Variants in KIFC1 observed in about 807,000 individuals in gnomAD.
KIFC1 encodes kinesin-like protein KIFC1.
KIFC1 carries 37 observed loss-of-function variants against 66.6 expected under a neutral mutation model. The observed-to-expected ratio is 0.56, with a 90% CI of 0.43 to 0.73. The LOEUF is 0.73. KIFC1 is among the 30% of genes least tolerant of loss of function. The probability of loss-of-function intolerance (pLI) is 0.00; values close to 1 mark genes in which losing one functional copy is unlikely to be tolerated. For synonymous variants in KIFC1, 325 were observed against 343.5 expected (o/e 0.95, Z 0.60); for missense variants, 721 against 859.8 (o/e 0.84, Z 2.02).
rs1254966909 is a variant in KIFC1, at chr6:33,401,833, C to CT, written c.251-1480dup. 1.3e-5 allele frequency among the ~76,000 whole-genome samples: 2 copies of CT among 152,140 alleles called. No individual in the cohort carries two copies. Among genetic ancestry groups the CT allele is most frequent in the Non-Finnish European group, 2.9e-5 (2 of 68,026 alleles). On this transcript the variant is annotated intron_variant, in intron 3 of 10. Coordinates refer to ENST00000428849, the MANE Select transcript of KIFC1 (RefSeq NM_002263.4). The surrounding 1 kb of genome is among the most constrained non-coding windows in gnomAD (Gnocchi z 4.5). Reference sequence around the variant, plus strand: ...TCTCCTGCCTCAGCCTCCGGAGTAGCTGGGACTACAGGTGCCCGCCACCAC... The same window carrying CT: ...TCTCCTGCCTCAGCCTCCGGAGTAGCTTGGGACTACAGGTGCCCGCCACCAC...
Position 33,405,684 on chromosome 6 carries a change from C to A in KIFC1, c.1536+53C>A, listed in dbSNP as rs1775612728. The A allele has an allele frequency of 7.0e-7, 1 of 1,424,522 alleles. No individual in the cohort carries two copies. Among genetic ancestry groups the A allele is most frequent in the Non-Finnish European group, 9.2e-7 (1 of 1,082,474 alleles). 88.2% of individuals were successfully genotyped at this position (1,424,522 alleles called of 1,614,324 possible). On this transcript the variant is annotated intron_variant, in intron 7 of 10. Coordinates refer to ENST00000428849, the MANE Select transcript of KIFC1 (RefSeq NM_002263.4). This position sits in a 1 kb window ranked among gnomAD's most constrained non-coding sequence, Gnocchi z 5.4. ...GAAATGGGGAGGAGTGGGCAGGGTG[C>A]CACGAGATGGAGGTAGAGGGAGAAA...
rs946692322 is a variant in KIFC1, at chr6:33,405,751, C to T, written c.1536+120C>T. 19 of 1,122,728 alleles carry T rather than the reference C, an allele frequency of 1.7e-5. No homozygotes were observed. In the African/African-American group the frequency reaches 3.0e-4, roughly 18 times the overall value. The allele number at this position is 1,122,728 out of a possible 1,614,324, so 69.5% of individuals were successfully genotyped here. ...GAAGGATGAAGTGCAAGTTATCAGG[C>T]TGGGTTACCACATCCGGTTTTGGCC... On this transcript the variant is annotated intron_variant, in intron 7 of 10. Coordinates refer to ENST00000428849, the MANE Select transcript of KIFC1 (RefSeq NM_002263.4). This position sits in a 1 kb window ranked among gnomAD's most constrained non-coding sequence, Gnocchi z 5.4.
rs1775297367 is a variant in KIFC1 at position 33,400,056 on chromosome 6, T to G, written c.250+1669T>G. The stretch of plus-strand genomic sequence containing the variant: ...TCCTTTATTGAAATATTTTCCTTTG[T>G]GCTTAACTAGCTGGGCATTCCACAG... On this transcript the variant is annotated intron_variant, in intron 3 of 10. Coordinates refer to ENST00000428849, the MANE Select transcript of KIFC1 (RefSeq NM_002263.4). The surrounding 1 kb of genome is among the most constrained non-coding windows in gnomAD (Gnocchi z 4.3). 4.2e-6 allele frequency: 3 copies of G among 712,850 alleles called. No individual in the cohort carries two copies. Among genetic ancestry groups the G allele is most frequent in the Non-Finnish European group, 7.6e-6 (3 of 394,876 alleles). 44.2% of individuals were successfully genotyped at this position (712,850 alleles called of 1,614,324 possible). A position where few individuals can be genotyped will look rare whatever the true frequency, so the allele number is the denominator to read the frequency against.
At chr6:33,409,040 C>T (rs1416109251) in intron 10 of KIFC1, among the ~76,000 whole-genome samples, 1 of 152,156 alleles carries the variant, frequency 6.6e-6, no homozygotes, top group African/African-American at 2.4e-5. Flanking sequence ...TGGTGGCGGG[C>T]GCCTGTAGTC....
At chr6:33,407,410 A>G (rs1180742439) in intron 10 of KIFC1, among the ~76,000 whole-genome samples, 1 of 152,204 alleles carries the variant, frequency 6.6e-6, no homozygotes, top group East Asian at 1.9e-4. Context: ...CCTTGTCTCA[A>G]AAAACCAACA....
intron 3 of KIFC1, among the ~76,000 whole-genome samples, chr6:33,402,744 A>T (rs1013771269): frequency 6.8e-5 from 10 of 147,718 alleles, no homozygotes; most frequent in Admixed American, 6.1e-4. Context: ...AAAAAAACAA[A>T]ATGGAGGCCA....
chr6:33,392,921 G>A (rs1319734663), intron 1 of KIFC1, among the ~76,000 whole-genome samples: 1 of 152,134 alleles, frequency 6.6e-6, no homozygotes, highest in African/African-American at 2.4e-5. Flanking sequence ...GGGACAAATC[G>A]TTGCCATCGT....
chr6:33,408,309 A>G (rs760319894), intron 10 of KIFC1, among the ~76,000 whole-genome samples: 21 of 152,220 alleles, frequency 1.4e-4, no homozygotes, highest in Non-Finnish European at 1.2e-4. Context: ...CATTTGTCCT[A>G]TAGAATATAC....
chr6:33,392,347 G>A (rs1477259389), intron 1 of KIFC1, among the ~76,000 whole-genome samples: 1 of 152,238 alleles, frequency 6.6e-6, no homozygotes, highest in African/African-American at 2.4e-5. Context: ...GTGTAAGAAG[G>A]GAGAGTTCTG....
rs550734486 is a variant in KIFC1, at chr6:33,396,460, C to T, written c.13-1569C>T. ...TCTTTTTTTTTTTTTTTTTTTGAGA[C>T]AGGATCTCAATATGTCGCCCAGGCT... On this transcript the variant is annotated intron_variant, in intron 1 of 10. Transcript: ENST00000428849. Among the ~76,000 whole-genome samples, 65 of 111,778 alleles carry T rather than the reference C, an allele frequency of 5.8e-4. 1 individual carries two copies. Among genetic ancestry groups the T allele is most frequent in the Admixed American group, 2.7e-3 (24 of 8,842 alleles). 73.3% of individuals were successfully genotyped at this position (111,778 alleles called of 152,430 possible).
chr6:33,409,864 T>G lies in KIFC1; in HGVS notation c.*174T>G. ...CAAATAAAGAATAGTTTGGTTTTTT[T>G]TTTAAATAAAGGTTTTATTAGCATT... On this transcript the variant is annotated 3_prime_UTR_variant, in exon 11 of 11. Transcript: ENST00000428849. 1 of 651,504 alleles carries G rather than the reference T, an allele frequency of 1.5e-6. No homozygotes were observed. The highest frequency in any genetic ancestry group is 2.6e-6 in the Non-Finnish European group (1 of 388,732). 40.4% of individuals were successfully genotyped at this position (651,504 alleles called of 1,614,324 possible). A position where few individuals can be genotyped will look rare whatever the true frequency, so the allele number is the denominator to read the frequency against.
Position 33,406,323 on chromosome 6 carries a change from T to C in KIFC1, c.1664T>C (p.Leu555Pro). ...QISGEHSSRG[L>P]QCGAPLSLVD... The stretch of plus-strand genomic sequence containing the variant: ...TCTGGGGAGCACTCCAGCCGAGGCC[T>C]GCAGTGTGGGGCCCCCCTCAGTCTT... The change falls in exon 8 of 11, where the codon CTG becomes CCG. Residue 555 changes from leucine to proline, a missense_variant. Physicochemically the swap from Leu to Pro is moderately conservative, Grantham distance 98. Coordinates refer to ENST00000428849, the MANE Select transcript of KIFC1 (RefSeq NM_002263.4). This position sits in a 1 kb window ranked among gnomAD's most constrained non-coding sequence, Gnocchi z 4.5. 1 of 1,614,188 alleles carries C rather than the reference T, an allele frequency of 6.2e-7. No individual in the cohort carries two copies. Among genetic ancestry groups the C allele is most frequent in the Middle Eastern group, 1.6e-4 (1 of 6,062 alleles).
chr6:33,405,261 A>G lies in KIFC1; in HGVS notation c.1166A>G (p.Glu389Gly), dbSNP rs1333560142. ...PPGSGQDEVF[E>G]EIAMLVQSAL... ...GGAAGTGGACAGGATGAAGTGTTTG[A>G]AGAGATTGCCATGCTTGTCCAGTCA... Residue 389 changes from glutamate to glycine, a missense_variant, in exon 7 of 11, where the codon GAA becomes GGA. Transcript: ENST00000428849. The surrounding 1 kb of genome is among the most constrained non-coding windows in gnomAD (Gnocchi z 5.4). 6.2e-7 allele frequency: 1 copy of G among 1,614,162 alleles called. No individual in the cohort carries two copies. Among genetic ancestry groups the G allele is most frequent in the Non-Finnish European group, 8.5e-7 (1 of 1,180,036 alleles).
Position 33,400,787 on chromosome 6 carries a change from C to T in KIFC1, c.250+2400C>T, listed in dbSNP as rs1775334298. Among the ~76,000 whole-genome samples the T allele has an allele frequency of 6.6e-6, 1 of 152,022 alleles. No homozygotes were observed. The highest frequency in any genetic ancestry group is 2.4e-5 in the African/African-American group (1 of 41,368). ...TCAGCCTTCCGCGTAGCTGGGACTA[C>T]AGGCGCCCTCCACCACACTTGGCTA... On this transcript the variant is annotated intron_variant, in intron 3 of 10. Coordinates refer to ENST00000428849, the MANE Select transcript of KIFC1 (RefSeq NM_002263.4). The surrounding 1 kb of genome is among the most constrained non-coding windows in gnomAD (Gnocchi z 4.3).
chr6:33,396,166 C>T (rs1373441526), intron 1 of KIFC1, among the ~76,000 whole-genome samples: 1 of 152,208 alleles, frequency 6.6e-6, no homozygotes, highest in Non-Finnish European at 1.5e-5. Context: ...CTGTGAACTT[C>T]CTTGAGTAAA....
intron 3 of KIFC1, among the ~76,000 whole-genome samples, chr6:33,398,976 T>C (rs147645361): frequency 6.6e-6 from 1 of 152,382 alleles, no homozygotes; most frequent in Non-Finnish European, 1.5e-5. Context: ...TGGCATACTT[T>C]AGACATGGTC....
chr6:33,403,734 G>C lies in KIFC1; in HGVS notation c.361G>C (p.Gly121Arg). Residue 121 changes from glycine (G) to arginine (R), a missense_variant, in exon 6 of 11, where the codon GGT becomes CGT. By Grantham distance (125) the Gly-to-Arg change is moderately radical. Coordinates refer to ENST00000428849, the MANE Select transcript of KIFC1 (RefSeq NM_002263.4). This position sits in a 1 kb window ranked among gnomAD's most constrained non-coding sequence, Gnocchi z 4.6. ...AVPVQKSGTS[G>R]VPPMAGGKKP... ...CCTTTCTGTGTTCATCTTAGCATCA[G>C]GTGTTCCTCCCATGGCAGGAGGGAA... 1.2e-6 allele frequency: 2 copies of C among 1,611,732 alleles called. No individual in the cohort carries two copies. Among genetic ancestry groups the C allele is most frequent in the Non-Finnish European group, 1.7e-6 (2 of 1,178,616 alleles).
chr6:33,404,003 T>A lies in KIFC1; in HGVS notation c.630T>A (p.Arg210=). The stretch of plus-strand genomic sequence containing the variant: ...GCCAACAGGAGCTGAAGAACTTGCG[T>A]GCTTGTGTCCTGGAGCTGGAAGAGC... ...EQGQQELKNL[R]ACVLELEERL... Residue 210 remains arginine, a synonymous_variant, in exon 6 of 11, where the codon CGT becomes CGA. Transcript: ENST00000428849. This position sits in a 1 kb window ranked among gnomAD's most constrained non-coding sequence, Gnocchi z 4.0. The A allele has an allele frequency of 6.2e-7, 1 of 1,614,154 alleles. No individual in the cohort carries two copies. Among genetic ancestry groups the A allele is most frequent in the Non-Finnish European group, 8.5e-7 (1 of 1,180,024 alleles).
chr6:33,403,923 G>C lies in KIFC1; in HGVS notation c.550G>C (p.Glu184Gln). ...AQQQVKALGTERTTLEGHLAK... is the reference protein window; with the variant it reads ...AQQQVKALGTQRTTLEGHLAK... The stretch of plus-strand genomic sequence containing the variant: ...GCAGCAGGTCAAGGCCCTGGGGACA[G>C]AGCGCACAACACTGGAGGGGCATTT... The change falls in exon 6 of 11, where the codon GAG (glutamate) becomes CAG (glutamine). Residue 184 changes from glutamate (E) to glutamine (Q), a missense_variant. Glu to Gln is a conservative substitution (Grantham distance 29, BLOSUM62 2). Coordinates refer to ENST00000428849, the MANE Select transcript of KIFC1 (RefSeq NM_002263.4). The surrounding 1 kb of genome is among the most constrained non-coding windows in gnomAD (Gnocchi z 4.6). 1 of 1,614,238 alleles carries C rather than the reference G, an allele frequency of 6.2e-7. No homozygotes were observed. The highest frequency in any genetic ancestry group is 8.5e-7 in the Non-Finnish European group (1 of 1,180,036).
Sources: allele counts gnomAD v4.1 joint callset (sites outside exome capture counted in the v4.1 genomes callset), GRCh38; gene constraint gnomAD v4.1.1; non-coding constraint Gnocchi (gnomAD v3.1); transcripts MANE v1.5; gene names NCBI Gene and HGNC (gene_info 2026-07-23, HGNC 2026-07-21).